SYNDIG1: variants seen among roughly 807,000 people sequenced by gnomAD.
SYNDIG1 encodes the protein synapse differentiation inducing 1.
SYNDIG1 carries 9 observed loss-of-function variants against 19.4 expected under a neutral mutation model. The ratio of observed to expected loss-of-function variants is 0.46; its 90% CI spans 0.28 to 0.81. SYNDIG1 has a LOEUF of 0.81. SYNDIG1 is among the 30% of genes least tolerant of loss of function. The pLI is 0.12. For synonymous variants in SYNDIG1, 141 were observed against 145.9 expected, an observed-to-expected ratio of 0.97 and a Z score of 0.24; for missense variants, 311 against 343.3, an observed-to-expected ratio of 0.91 and a Z score of 0.74.
intron 1 of SYNDIG1, among the ~76,000 whole-genome samples, chr20:24,471,067 T>C (rs1240910134): frequency 1.3e-5 from 2 of 152,158 alleles, no homozygotes; most frequent in East Asian, 3.9e-4. Flanking sequence ...TCCGTCTCCC[T>C]CCTACAGCCC....
chr20:24,616,977 G>A (rs958936796), intron 3 of SYNDIG1, among the ~76,000 whole-genome samples: 3 of 152,152 alleles, frequency 2.0e-5, no homozygotes, highest in African/African-American at 7.2e-5. Flanking sequence ...TGTGGGCCAA[G>A]GAGGTGGCTT....
chr20:24,650,898 C>T (rs144002262), intron 3 of SYNDIG1, among the ~76,000 whole-genome samples: 294 of 152,160 alleles, frequency 1.9e-3, no homozygotes, highest in Middle Eastern at 0.014. Flanking sequence ...TGTAGTGGTG[C>T]GATCTCGGCT....
intron 2 of SYNDIG1, among the ~76,000 whole-genome samples, chr20:24,550,806 A>G (rs1568633632): frequency 6.6e-6 from 1 of 152,142 alleles, no homozygotes; most frequent in African/African-American, 2.4e-5. Flanking sequence ...CACTGCGCCC[A>G]GCCTACATTA....
intron 2 of SYNDIG1, among the ~76,000 whole-genome samples, chr20:24,562,905 TG>T (rs1467137613): frequency 3.3e-5 from 5 of 152,176 alleles, no homozygotes; most frequent in Admixed American, 6.5e-5. Context: ...CATGGAGCTA[TG>T]AGTGAAATAC....
chr20:24,572,202 G>A (rs62215295), intron 2 of SYNDIG1, among the ~76,000 whole-genome samples: 25,794 of 152,150 alleles, frequency 0.17, 2,659 homozygotes, highest in Middle Eastern at 0.27. Flanking sequence ...TCTGTGTGGC[G>A]AGCAGCAGGA....
chr20:24,569,369 T>C (rs2058104408), intron 2 of SYNDIG1, among the ~76,000 whole-genome samples: 1 of 152,192 alleles, frequency 6.6e-6, no homozygotes, highest in Non-Finnish European at 1.5e-5. Context: ...TGGTTTTCCA[T>C]CTGGTCTTAT....
At chr20:24,505,230 T>C (rs7266070) in intron 1 of SYNDIG1, among the ~76,000 whole-genome samples, 28 of 151,924 alleles carry the variant, frequency 1.8e-4, no homozygotes, top group African/African-American at 6.8e-4. Flanking sequence ...CAAAGAGTCA[T>C]TGAGAAGTCA....
At chr20:24,470,052 C>T (rs1345015070) in intron 1 of SYNDIG1, among the ~76,000 whole-genome samples, 1 of 152,168 alleles carries the variant, frequency 6.6e-6, no homozygotes, top group Non-Finnish European at 1.5e-5. Context: ...ACCTTGGTGC[C>T]TTGCCACCCC....
chr20:24,594,384 A>G (rs183240970), intron 3 of SYNDIG1, among the ~76,000 whole-genome samples: 3 of 152,104 alleles, frequency 2.0e-5, no homozygotes, highest in African/African-American at 7.2e-5. Flanking sequence ...ATTGGTCTAT[A>G]TGTCTGTTTT....
chr20:24,487,312 G>A (rs2055995412), intron 1 of SYNDIG1, among the ~76,000 whole-genome samples: 2 of 152,132 alleles, frequency 1.3e-5, no homozygotes, highest in African/African-American at 4.8e-5. Flanking sequence ...ACATTTGGAG[G>A]TAGAAAATCA....
intron 3 of SYNDIG1, among the ~76,000 whole-genome samples, chr20:24,657,436 G>A (rs919270580): frequency 6.6e-6 from 1 of 152,192 alleles, no homozygotes; most frequent in Non-Finnish European, 1.5e-5. Context: ...GGGGATCGGC[G>A]CCAGCACCCA....
intron 1 of SYNDIG1, among the ~76,000 whole-genome samples, chr20:24,472,120 T>C (rs2055485194): frequency 6.6e-6 from 1 of 152,174 alleles, no homozygotes; most frequent in Admixed American, 6.5e-5. Context: ...CATTAGAGTA[T>C]AGGTGATATT....
At chr20:24,638,533 A>G (rs1435444337) in intron 3 of SYNDIG1, among the ~76,000 whole-genome samples, 2 of 151,608 alleles carry the variant, frequency 1.3e-5, no homozygotes, top group South Asian at 2.1e-4. Context: ...AATTTTTTGT[A>G]TTTTTTTTAA....
intron 1 of SYNDIG1, among the ~76,000 whole-genome samples, chr20:24,484,214 CT>C (rs1262705779): frequency 1.3e-5 from 2 of 152,056 alleles, no homozygotes; most frequent in Non-Finnish European, 2.9e-5. Context: ...GAGGGGTCGG[CT>C]GGGCGTGTTC....
intron 2 of SYNDIG1, among the ~76,000 whole-genome samples, chr20:24,566,204 A>C (rs1056663243): frequency 2.0e-5 from 3 of 152,098 alleles, no homozygotes; most frequent in African/African-American, 7.2e-5. Context: ...GGCTGCCACC[A>C]CCAGGGAGCT....
Position 24,543,121 on chromosome 20 carries a change from G to A in SYNDIG1, c.24G>A (p.Lys8=). MDGIIEQ[K]SMLVHSKISD... ...CCATGGATGGCATCATTGAACAGAA[G>A]AGCATGCTGGTGCACAGTAAAATCA... Residue 8 remains lysine, a synonymous_variant, in exon 2 of 4, where the codon AAG becomes AAA. Transcript: ENST00000376862. 6.2e-7 allele frequency: 1 copy of A among 1,614,100 alleles called. No homozygotes were observed. The highest frequency in any genetic ancestry group is 8.5e-7 in the Non-Finnish European group (1 of 1,179,990).
chr20:24,567,984 A>G (rs2058080740), intron 2 of SYNDIG1, among the ~76,000 whole-genome samples: 1 of 152,180 alleles, frequency 6.6e-6, no homozygotes, highest in Non-Finnish European at 1.5e-5. Context: ...AAATATAAAA[A>G]TTAGCCGGAC....
chr20:24,650,075 CT>C (rs1172986261), intron 3 of SYNDIG1, among the ~76,000 whole-genome samples: 1 of 152,208 alleles, frequency 6.6e-6, no homozygotes, highest in Non-Finnish European at 1.5e-5. Context: ...CAGTTACCTA[CT>C]AACCCAAAAT....
chr20:24,617,652 A>T (rs1600755737), intron 3 of SYNDIG1, among the ~76,000 whole-genome samples: 1 of 151,994 alleles, frequency 6.6e-6, no homozygotes, highest in African/African-American at 2.4e-5. Flanking sequence ...GTCCTCTGAG[A>T]TTTACCACAA....
Sources: gnomAD v4.1 joint callset for allele counts (sites outside exome capture counted in the v4.1 genomes callset) on GRCh38, gnomAD v4.1.1 for gene constraint, MANE v1.5 for transcripts, NCBI Gene and HGNC (gene_info 2026-07-23, HGNC 2026-07-21) for gene names.